The following NBAS variants were observed in gnomAD, a reference collection of about 807,000 sequenced individuals.
NBAS encodes NAG/BC035112 fusion.
Under a neutral mutation model 302.5 loss-of-function variants are expected in NBAS, and 219 were observed. The observed-to-expected ratio is 0.72, with a 90% CI of 0.65 to 0.81. The LOEUF (loss-of-function observed/expected upper bound fraction) is 0.81, where lower values mean the gene tolerates loss of function less well. Ranked by LOEUF, NBAS falls within the 30% of genes least tolerant of loss-of-function variation. The pLI is 0.00. For synonymous variants in NBAS, 1,118 were observed against 1,021.6 expected, an observed-to-expected ratio of 1.09 and a Z score of -1.80; for missense variants, 2,932 against 2,841.6, an observed-to-expected ratio of 1.03 and a Z score of -0.72.
At chr2:14,849,750 G>A in the NBAS span, among the ~76,000 whole-genome samples, 209 of 140,532 alleles carry the variant, frequency 1.5e-3, no homozygotes, top group African/African-American at 6.2e-3. Context: ...AACCCTACAA[G>A]CCAGAAGAGA....
rs184712559 is a variant in NBAS at position 15,539,310 on chromosome 2, G to C, written c.426C>G (p.Tyr142Ter). 2 of 1,614,096 alleles carry C rather than the reference G, an allele frequency of 1.2e-6. No homozygotes were observed. Among genetic ancestry groups the C allele is most frequent in the Non-Finnish European group, 1.7e-6 (2 of 1,180,048 alleles). Residue 142 changes from tyrosine (Y) to a stop codon, truncating the protein, a stop_gained, in exon 7 of 52, where the codon TAC (tyrosine) becomes TAG (stop). Transcript: ENST00000281513. LOFTEE classifies it high-confidence loss of function. ...KPQWRRVAWS[Y>*]DCTLLAYAES... The stretch of plus-strand genomic sequence containing the variant: ...CGGCATAGGCCAGTAGGGTACAATC[G>C]TAACTCCATGCTACCCGTCTCCACT...
intron 32 of NBAS, 74 bp from the exon 33 acceptor site, chr2:15,356,490 C>T (rs1028735604): frequency 2.0e-6 from 2 of 1,008,704 alleles, no homozygotes; most frequent in Non-Finnish European, 3.2e-6. Flanking sequence ...TTAACACTGT[C>T]TTTCAAATTA....
At chr2:15,391,975 TAAAC>T (rs1452160199) in intron 28 of NBAS, among the ~76,000 whole-genome samples, 2 of 147,412 alleles carry the variant, frequency 1.4e-5, no homozygotes, top group Non-Finnish European at 3.0e-5. Flanking sequence ...AAGACTTTTT[TAAAC>T]AAACAAAGAT....
intron 28 of NBAS, among the ~76,000 whole-genome samples, chr2:15,393,993 C>T (rs922123926): frequency 1.3e-5 from 2 of 151,974 alleles, no homozygotes; most frequent in African/African-American, 4.8e-5. Context: ...AGAAAGGATT[C>T]TAAAGGAGTA....
At chr2:14,892,782 T>C in the NBAS span, among the ~76,000 whole-genome samples, 70 of 152,294 alleles carry the variant, frequency 4.6e-4, 1 homozygote, top group Admixed American at 1.7e-3. Flanking sequence ...CTGTTTGTCA[T>C]AGTGTATTAC....
At chr2:15,539,418 T>C in intron 6 of NBAS, 62 bp from the exon 7 acceptor site, 4 of 1,581,962 alleles carry the variant, frequency 2.5e-6, no homozygotes, top group African/African-American at 1.3e-5. Flanking sequence ...TTAATGCTTT[T>C]AGTAACTGCA....
intron 46 of NBAS, among the ~76,000 whole-genome samples, chr2:15,234,051 G>A (rs557266240): frequency 9.2e-5 from 14 of 152,180 alleles, no homozygotes; most frequent in Non-Finnish European, 1.8e-4. Context: ...CTCAATTGTC[G>A]GTTTTATGCC....
chr2:15,388,963 AG>A (rs1013143557), intron 28 of NBAS, among the ~76,000 whole-genome samples: 2 of 152,254 alleles, frequency 1.3e-5, no homozygotes, highest in East Asian at 1.9e-4. Context: ...AGTGTTTTGA[AG>A]GGGGGTAACT....
At chr2:15,530,936 GAGAA>G (rs1000095400) in intron 9 of NBAS, among the ~76,000 whole-genome samples, 11 of 151,844 alleles carry the variant, frequency 7.2e-5, no homozygotes, top group African/African-American at 2.2e-4. Flanking sequence ...ACAAAAAGCA[GAGAA>G]AGAAAGAAAG....
intron 50 of NBAS, among the ~76,000 whole-genome samples, chr2:15,182,998 C>G (rs191875236): frequency 1.3e-5 from 2 of 152,058 alleles, no homozygotes; most frequent in Admixed American, 1.3e-4. Flanking sequence ...CAATTAGGCA[C>G]ACACGTTTCC....
intron 51 of NBAS, chr2:15,177,955 T>C (rs943933264): frequency 1.6e-5 from 5 of 321,964 alleles, no homozygotes; most frequent in Non-Finnish European, 3.1e-5. Flanking sequence ...GGCATTTGAT[T>C]TTCTCATTTT....
intron 28 of NBAS, among the ~76,000 whole-genome samples, chr2:15,390,467 C>T (rs911367916): frequency 2.6e-5 from 4 of 152,046 alleles, no homozygotes; most frequent in African/African-American, 9.7e-5. Context: ...TAAGGAGATG[C>T]AGATTAGAGG....
the NBAS span, among the ~76,000 whole-genome samples, chr2:15,086,535 G>A: frequency 1.3e-5 from 2 of 152,194 alleles, no homozygotes; most frequent in Non-Finnish European, 2.9e-5. Context: ...GAAGAGCTGT[G>A]GCCCCTTGGG....
At chr2:14,894,995 G>A in the NBAS span, among the ~76,000 whole-genome samples, 1 of 152,172 alleles carries the variant, frequency 6.6e-6, no homozygotes. Context: ...GGCAAAGGTT[G>A]CAGTGAGCTG....
At chr2:15,235,120 T>A (rs925961877) in intron 45 of NBAS, among the ~76,000 whole-genome samples, 1 of 152,232 alleles carries the variant, frequency 6.6e-6, no homozygotes, top group African/African-American at 2.4e-5. Flanking sequence ...AGCTTTTCTA[T>A]TATTACTAAC....
the NBAS span, among the ~76,000 whole-genome samples, chr2:14,783,464 T>TC: frequency 1.0e-5 from 1 of 97,424 alleles, no homozygotes; most frequent in Non-Finnish European, 2.1e-5. Context: ...ATGCTATCCC[T>TC]CCCCCCTCCC....
intron 36 of NBAS, among the ~76,000 whole-genome samples, chr2:15,330,072 C>T (rs919186199): frequency 4.6e-5 from 7 of 152,248 alleles, no homozygotes; most frequent in Middle Eastern, 3.4e-3. Flanking sequence ...ATGAGATGCA[C>T]ATGGAGTGTT....
chr2:15,044,929 A>T, the NBAS span, among the ~76,000 whole-genome samples: 2,884 of 152,306 alleles, frequency 0.019, 89 homozygotes, highest in African/African-American at 0.067. Context: ...ACCAAAACAT[A>T]ATTGGGGTAA....
intron 11 of NBAS, among the ~76,000 whole-genome samples, chr2:15,500,892 C>A (rs1435646801): frequency 3.3e-5 from 5 of 149,744 alleles, no homozygotes; most frequent in African/African-American, 1.2e-4. Context: ...CCACTGCACT[C>A]CAGCCTGGGT....
Sources: gnomAD v4.1 joint callset for allele counts (sites outside exome capture counted in the v4.1 genomes callset) on GRCh38, gnomAD v4.1.1 for gene constraint, MANE v1.5 for transcripts, NCBI Gene and HGNC (gene_info 2026-07-23, HGNC 2026-07-21) for gene names.